Variants in ADRA1A observed in about 807,000 individuals in gnomAD.
ADRA1A encodes alpha-1A adrenergic receptor.
ADRA1A carries 31 observed loss-of-function variants against 29.6 expected under a neutral mutation model. That is an observed-to-expected ratio of 1.05 (90% CI 0.79 to 1.41). The LOEUF (loss-of-function observed/expected upper bound fraction) is 1.41. Ranked by LOEUF, ADRA1A falls within the 40% of genes most tolerant of loss-of-function variation. The pLI is 0.00. For missense variants in ADRA1A, 619 were observed against 601.1 expected, an observed-to-expected ratio of 1.03 and a Z score of -0.31; for synonymous variants, 311 against 254.3, an observed-to-expected ratio of 1.22 and a Z score of -2.12.
intron 2 of ADRA1A, among the ~76,000 whole-genome samples, chr8:26,773,031 A>G (rs1806289042): frequency 6.6e-6 from 1 of 152,242 alleles, no homozygotes; most frequent in Admixed American, 6.5e-5. Context: ...AACACTTTCC[A>G]TATGATTTAA....
At chr8:26,850,840 T>C (rs1812576942) in intron 2 of ADRA1A, among the ~76,000 whole-genome samples, 2 of 152,186 alleles carry the variant, frequency 1.3e-5, no homozygotes, top group Non-Finnish European at 2.9e-5. Flanking sequence ...TATAGTCTTC[T>C]CTAATATAAT....
chr8:26,813,375 C>T (rs1164612564), intron 2 of ADRA1A, among the ~76,000 whole-genome samples: 1 of 152,124 alleles, frequency 6.6e-6, no homozygotes, highest in Non-Finnish European at 1.5e-5. Flanking sequence ...TTTCTTAACC[C>T]ACTCATCTAA....
At chr8:26,751,159 A>T (rs1392605361) in intron 2 of ADRA1A, among the ~76,000 whole-genome samples, 1 of 151,936 alleles carries the variant, frequency 6.6e-6, no homozygotes. Context: ...GCAGTGTGGT[A>T]TGTGATAGGA....
At chr8:26,834,244 T>C (rs1315716889) in intron 2 of ADRA1A, among the ~76,000 whole-genome samples, 1 of 152,242 alleles carries the variant, frequency 6.6e-6, no homozygotes, top group African/African-American at 2.4e-5. Context: ...TTGAAAGAAG[T>C]AATACATTCT....
rs1813408432 is a variant in ADRA1A at position 26,860,926 on chromosome 8, C to T, written c.883+3161G>A. On this transcript the variant is annotated intron_variant, in intron 2 of 2. Coordinates refer to ENST00000380573, the MANE Select transcript of ADRA1A (RefSeq NM_000680.4). This position sits in a 1 kb window ranked among gnomAD's most constrained non-coding sequence, Gnocchi z 4.7. The stretch of plus-strand genomic sequence containing the variant: ...CCTCCAGCTACACCGCATCTCCTAG[C>T]TCCAGTGTATAGCAAAACCTTTCAG... 6.6e-6 allele frequency among the ~76,000 whole-genome samples: 1 copy of T among 152,214 alleles called. No homozygotes were observed. The highest frequency in any genetic ancestry group is 6.5e-5 in the Admixed American group (1 of 15,284).
Position 26,821,010 on chromosome 8 carries a change from C to T in ADRA1A, c.883+43077G>A, listed in dbSNP as rs904672609. 4.6e-5 allele frequency among the ~76,000 whole-genome samples: 7 copies of T among 152,238 alleles called. No individual in the cohort carries two copies. The highest frequency in any genetic ancestry group is 4.6e-4 in the Admixed American group (7 of 15,304). ...GTTCAAGCGATTCTCCTGCCTCAGC[C>T]TCCTAGAGTAGCTAGGATTACAGGC... On this transcript the variant is annotated intron_variant, in intron 2 of 2. Coordinates refer to ENST00000380573, the MANE Select transcript of ADRA1A (RefSeq NM_000680.4). The surrounding 1 kb of genome is among the most constrained non-coding windows in gnomAD (Gnocchi z 5.6).
In ADRA1A at chr8:26,805,918, TC is replaced by T. The variant is rs1487457254; in HGVS notation, c.884-35253del. Reference sequence around the variant, plus strand: ...CAGCTTATCAGAGCCTGTGCCCCCTTCCCCCTAGGCATCTTCTATCACTGTT... The same window carrying T: ...CAGCTTATCAGAGCCTGTGCCCCCTTCCCCTAGGCATCTTCTATCACTGTT... On this transcript the variant is annotated intron_variant, in intron 2 of 2. Coordinates refer to ENST00000380573, the MANE Select transcript of ADRA1A (RefSeq NM_000680.4). The surrounding 1 kb of genome is among the most constrained non-coding windows in gnomAD (Gnocchi z 4.8). 2.0e-5 allele frequency among the ~76,000 whole-genome samples: 3 copies of T among 152,008 alleles called. No individual in the cohort carries two copies. Among genetic ancestry groups the T allele is most frequent in the Non-Finnish European group, 4.4e-5 (3 of 68,014 alleles).
At chr8:26,786,503 G>T (rs1307287377) in intron 2 of ADRA1A, among the ~76,000 whole-genome samples, 1 of 151,814 alleles carries the variant, frequency 6.6e-6, no homozygotes, top group Non-Finnish European at 1.5e-5. Flanking sequence ...GACCTCAAAT[G>T]ATCCACGTGC....
Position 26,864,843 on chromosome 8 carries a change from C to A in ADRA1A, c.127G>T (p.Gly43Cys), listed in dbSNP as rs1813782621. 6.2e-7 allele frequency: 1 copy of A among 1,613,928 alleles called. No individual in the cohort carries two copies. The highest frequency in any genetic ancestry group is 8.5e-7 in the Non-Finnish European group (1 of 1,180,020). ...ACGGAGAGGATCACTAGGATGTTACCCAGCACCCCGAAAAGAATGAGGCCC... is the reference window on the plus strand; with the variant it reads ...ACGGAGAGGATCACTAGGATGTTACACAGCACCCCGAAAAGAATGAGGCCC... Reference protein sequence around the residue: ...LGGLILFGVLGNILVILSVAC... With the variant: ...LGGLILFGVLCNILVILSVAC... The change falls in exon 2 of 3, where the codon GGT (glycine) becomes TGT (cysteine). Residue 43 changes from glycine to cysteine, a missense_variant. Transcript: ENST00000380573. This position sits in a 1 kb window ranked among gnomAD's most constrained non-coding sequence, Gnocchi z 8.1.
chr8:26,754,821 C>A (rs1248916901), downstream of ADRA1A, among the ~76,000 whole-genome samples: 1 of 152,184 alleles, frequency 6.6e-6, no homozygotes, highest in Non-Finnish European at 1.5e-5. Context: ...CTTTTGCTTT[C>A]ATTTCCCCCC....
At chr8:26,764,999 A>C (rs1298105908), downstream of ADRA1A, among the ~76,000 whole-genome samples, 2 of 152,218 alleles carry the variant, frequency 1.3e-5, no homozygotes, top group African/African-American at 4.8e-5. Context: ...ATAACTCCTG[A>C]GCCACACGAA....
chr8:26,845,508 G>A (rs1812137324), intron 2 of ADRA1A, among the ~76,000 whole-genome samples: 1 of 152,162 alleles, frequency 6.6e-6, no homozygotes, highest in Admixed American at 6.5e-5. Context: ...GGCGTTTGCT[G>A]TGAAAAACAA....
At position 26,825,405 on chromosome 8, in the gene ADRA1A, A is replaced by G. The variant is rs1440947379; in HGVS notation, c.883+38682T>C. Among the ~76,000 whole-genome samples, 1 of 151,630 alleles carries G rather than the reference A, an allele frequency of 6.6e-6. No homozygotes were observed. Among genetic ancestry groups the G allele is most frequent in the Non-Finnish European group, 1.5e-5 (1 of 67,868 alleles). On this transcript the variant is annotated intron_variant, in intron 2 of 2. Transcript: ENST00000380573. This position sits in a 1 kb window ranked among gnomAD's most constrained non-coding sequence, Gnocchi z 5.7. Reference sequence around the variant, plus strand: ...CAAAAAATGGGGAGGGTGGGTAGGGAGGAAGATGGAGTTTCTTTGTTTTCT... The same window carrying G: ...CAAAAAATGGGGAGGGTGGGTAGGGGGGAAGATGGAGTTTCTTTGTTTTCT...
At chr8:26,774,944 T>C (rs1440172868) in intron 2 of ADRA1A, among the ~76,000 whole-genome samples, 1 of 152,120 alleles carries the variant, frequency 6.6e-6, no homozygotes, top group East Asian at 1.9e-4. Context: ...ACTGGCTATG[T>C]TTTTAGGGTG....
chr8:26,863,401 G>A (rs1296039132), intron 2 of ADRA1A, among the ~76,000 whole-genome samples: 1 of 152,144 alleles, frequency 6.6e-6, no homozygotes, highest in African/African-American at 2.4e-5. Flanking sequence ...TTTTGGATAA[G>A]AGAAGTGTTT....
chr8:26,816,715 C>T (rs1430554383), intron 2 of ADRA1A, among the ~76,000 whole-genome samples: 3 of 152,186 alleles, frequency 2.0e-5, no homozygotes, highest in Admixed American at 6.5e-5. Flanking sequence ...CACCTCAGCG[C>T]CCACCAGCTG....
chr8:26,810,182 A>G (rs1258777881), intron 2 of ADRA1A, among the ~76,000 whole-genome samples: 1 of 152,250 alleles, frequency 6.6e-6, no homozygotes, highest in Admixed American at 6.5e-5. Flanking sequence ...TGGTCAACAC[A>G]AGTACCAAAG....
At position 26,823,033 on chromosome 8, in the gene ADRA1A, A is replaced by G. The variant is rs1810290945; in HGVS notation, c.883+41054T>C. ...CCAGCATTAGGGATTACAATTTGACATGAGATTTGGGTGGGGACACAGATC... is the reference window on the plus strand; with the variant it reads ...CCAGCATTAGGGATTACAATTTGACGTGAGATTTGGGTGGGGACACAGATC... On this transcript the variant is annotated intron_variant, in intron 2 of 2. Coordinates refer to ENST00000380573, the MANE Select transcript of ADRA1A (RefSeq NM_000680.4). This position sits in a 1 kb window ranked among gnomAD's most constrained non-coding sequence, Gnocchi z 4.2. 6.6e-6 allele frequency among the ~76,000 whole-genome samples: 1 copy of G among 152,198 alleles called. No homozygotes were observed. The highest frequency in any genetic ancestry group is 2.1e-4 in the South Asian group (1 of 4,834).
chr8:26,793,817 A>T (rs761566929), intron 2 of ADRA1A, among the ~76,000 whole-genome samples: 4 of 151,984 alleles, frequency 2.6e-5, no homozygotes, highest in Non-Finnish European at 1.5e-5. Flanking sequence ...TATCCTTAGA[A>T]ACTGTTGGAT....
Sources: allele counts gnomAD v4.1 joint callset (sites outside exome capture counted in the v4.1 genomes callset), GRCh38; gene constraint gnomAD v4.1.1; non-coding constraint Gnocchi (gnomAD v3.1); transcripts MANE v1.5; gene names NCBI Gene and HGNC (gene_info 2026-07-23, HGNC 2026-07-21).